The following KIF26B variants were observed in gnomAD, a reference collection of about 807,000 sequenced individuals.
The protein encoded by KIF26B is kinesin family member 26B, also known as kinesin-like protein KIF26B.
Under a neutral mutation model 151.2 loss-of-function variants are expected in KIF26B, and 63 were observed. That is an observed-to-expected ratio of 0.42 (90% CI 0.34 to 0.51). The LOEUF (loss-of-function observed/expected upper bound fraction) is 0.51. Ranked by LOEUF, KIF26B falls within the 20% of genes least tolerant of loss-of-function variation. The probability of loss-of-function intolerance (pLI) is 0.07; values close to 1 mark genes in which losing one functional copy is unlikely to be tolerated. For synonymous variants in KIF26B, 1,357 were observed against 1,262.1 expected (o/e 1.08, Z -1.59); for missense variants, 2,813 against 2,913.6 (o/e 0.97, Z 0.79).
Position 245,685,534 on chromosome 1 carries a change from G to A in KIF26B, c.2551G>A (p.Asp851Asn), listed in dbSNP as rs749916160. Residue 851 changes from aspartate (D) to asparagine (N), a missense_variant, in exon 12 of 15, where the codon GAC becomes AAC. Asp to Asn is a conservative substitution (Grantham distance 23). This residue lies in a region of KIF26B where 2,060 missense variants were observed against 2,088.6 expected (regional missense o/e 0.99). Coordinates refer to ENST00000407071, the MANE Select transcript of KIF26B (RefSeq NM_018012.4). Reference sequence around the variant, plus strand: ...CTTCCCCATCGCTCACCTGTCCAGCGACCCCGACTACTCCTCCAGCAGCGA... The same window carrying A: ...CTTCCCCATCGCTCACCTGTCCAGCAACCCCGACTACTCCTCCAGCAGCGA... Reference protein sequence around the residue: ...PDFPIAHLSSDPDYSSSSEQS... With the variant: ...PDFPIAHLSSNPDYSSSSEQS... 2.4e-5 allele frequency: 38 copies of A among 1,613,690 alleles called. No homozygotes were observed. In the East Asian group the frequency reaches 3.6e-4, roughly 15 times the overall value.
rs529963941 is a variant in KIF26B at position 245,227,375 on chromosome 1, A to G, written c.465+70692A>G. Among the ~76,000 whole-genome samples the G allele has an allele frequency of 1.3e-5, 2 of 152,348 alleles. No individual in the cohort carries two copies. Among genetic ancestry groups the G allele is most frequent in the Admixed American group, 6.5e-5 (1 of 15,306 alleles). ...GTAGCACAGGTTGATGGGGTAAGCC[A>G]GTGTAACATGGAAACCCACTGGCAC... On this transcript the variant is annotated intron_variant, in intron 2 of 14. Coordinates refer to ENST00000407071, the MANE Select transcript of KIF26B (RefSeq NM_018012.4). This position sits in a 1 kb window ranked among gnomAD's most constrained non-coding sequence, Gnocchi z 4.1.
chr1:245,511,284 T>C (rs1184978516), intron 4 of KIF26B, among the ~76,000 whole-genome samples: 1 of 152,202 alleles, frequency 6.6e-6, no homozygotes, highest in East Asian at 1.9e-4. Flanking sequence ...TTGTGCAAGC[T>C]TTCTTCTTGT....
chr1:245,337,643 G>A (rs1296973752), intron 2 of KIF26B, among the ~76,000 whole-genome samples: 3 of 151,720 alleles, frequency 2.0e-5, no homozygotes, highest in African/African-American at 7.3e-5. Context: ...TCACATATAG[G>A]AATTCAATAA....
intron 14 of KIF26B, 113 bp downstream of exon 14, chr1:245,699,150 A>C: frequency 9.3e-7 from 1 of 1,077,832 alleles, no homozygotes; most frequent in African/African-American, 1.6e-5. Flanking sequence ...CCTCAGTCAC[A>C]GGATGCCCAT....
intron 11 of KIF26B, among the ~76,000 whole-genome samples, chr1:245,685,073 C>T (rs889013110): frequency 6.6e-6 from 1 of 152,224 alleles, no homozygotes; most frequent in African/African-American, 2.4e-5. Flanking sequence ...CTTTAAATAG[C>T]GTTTCTTAAC....
chr1:245,320,181 C>A (rs1423890767), intron 2 of KIF26B, among the ~76,000 whole-genome samples: 2 of 152,226 alleles, frequency 1.3e-5, no homozygotes, highest in East Asian at 3.8e-4. Flanking sequence ...GTGCTCAGAA[C>A]AGCAATGTGC....
chr1:245,380,644 G>A (rs1572033369), intron 3 of KIF26B, among the ~76,000 whole-genome samples: 1 of 152,144 alleles, frequency 6.6e-6, no homozygotes, highest in Non-Finnish European at 1.5e-5. Flanking sequence ...AAGTGACAGC[G>A]ATGGGAGTCA....
intron 5 of KIF26B, among the ~76,000 whole-genome samples, chr1:245,568,061 C>T (rs2043027495): frequency 6.6e-6 from 1 of 151,772 alleles, no homozygotes; most frequent in African/African-American, 2.4e-5. Context: ...CCCAGCTACT[C>T]AGGAGGCTGA....
intron 9 of KIF26B, among the ~76,000 whole-genome samples, chr1:245,624,807 T>A (rs1276505146): frequency 6.6e-6 from 1 of 152,194 alleles, no homozygotes; most frequent in African/African-American, 2.4e-5. Flanking sequence ...AATCTTTGCC[T>A]AACCCAAGGC....
chr1:245,248,379 C>T (rs1038137992), intron 2 of KIF26B, among the ~76,000 whole-genome samples: 2 of 152,208 alleles, frequency 1.3e-5, no homozygotes, highest in Non-Finnish European at 2.9e-5. Context: ...TTCTAGATTT[C>T]TCACACTCCT....
intron 5 of KIF26B, among the ~76,000 whole-genome samples, chr1:245,554,918 C>T (rs1328821067): frequency 6.6e-6 from 1 of 152,170 alleles, no homozygotes; most frequent in African/African-American, 2.4e-5. Flanking sequence ...GGAGAGAATT[C>T]CCCTGAATGT....
chr1:245,585,482 C>T (rs977197845), intron 5 of KIF26B, among the ~76,000 whole-genome samples: 4 of 151,734 alleles, frequency 2.6e-5, no homozygotes, highest in African/African-American at 7.3e-5. Flanking sequence ...CTAATTAATA[C>T]GTGATCCTGA....
chr1:245,552,924 G>A (rs938546230), intron 5 of KIF26B, among the ~76,000 whole-genome samples: 15 of 152,184 alleles, frequency 9.9e-5, no homozygotes, highest in African/African-American at 3.4e-4. Flanking sequence ...ATACAGCCCT[G>A]AGAGGTAGGC....
At chr1:245,270,617 G>A (rs1002796376) in intron 2 of KIF26B, among the ~76,000 whole-genome samples, 1 of 151,974 alleles carries the variant, frequency 6.6e-6, no homozygotes, top group Non-Finnish European at 1.5e-5. Flanking sequence ...TTAAAAATTG[G>A]TTTATTTGCT....
At chr1:245,305,310 C>A (rs1671514785) in intron 2 of KIF26B, among the ~76,000 whole-genome samples, 1 of 151,848 alleles carries the variant, frequency 6.6e-6, no homozygotes, top group Non-Finnish European at 1.5e-5. Flanking sequence ...CAAAAGCAAC[C>A]CACAGAATGG....
intron 5 of KIF26B, among the ~76,000 whole-genome samples, chr1:245,585,466 G>C (rs1390807391): frequency 1.3e-5 from 2 of 152,014 alleles, no homozygotes; most frequent in African/African-American, 4.8e-5. Flanking sequence ...CTGTCTAGTC[G>C]GTGAGCTAAT....
chr1:245,155,615 C>A (rs1558327112), intron 1 of KIF26B, 128 bp downstream of exon 1: 1 of 799,526 alleles, frequency 1.3e-6, no homozygotes, highest in Non-Finnish European at 1.9e-6. Context: ...CCGGGGCTGG[C>A]GGGGTTGTGA....
At chr1:245,607,397 G>A (rs147022271) in intron 6 of KIF26B, among the ~76,000 whole-genome samples, 1 of 152,184 alleles carries the variant, frequency 6.6e-6, no homozygotes, top group South Asian at 2.1e-4. Context: ...CTCTACAGAC[G>A]CATTCGCTGA....
intron 9 of KIF26B, 78 bp downstream of exon 9, chr1:245,612,054 TTG>T (rs5782359): frequency 0.06 from 40,312 of 672,516 alleles, 1,473 homozygotes; most frequent in African/African-American, 0.074. Flanking sequence ...ACCATGACCT[TTG>T]TGTGTGTGTG....
Sources: allele counts gnomAD v4.1 joint callset (sites outside exome capture counted in the v4.1 genomes callset), GRCh38; gene constraint gnomAD v4.1.1; regional missense constraint gnomAD v4.1.1; non-coding constraint Gnocchi (gnomAD v3.1); transcripts MANE v1.5; gene names NCBI Gene and HGNC (gene_info 2026-07-23, HGNC 2026-07-21).